GNA15: variants seen among roughly 807,000 people sequenced by gnomAD.
GNA15 encodes guanine nucleotide-binding protein subunit alpha-15.
In GNA15, 23 loss-of-function variants were observed where a neutral mutation model predicts 40.1. The ratio of observed to expected loss-of-function variants is 0.57; its 90% CI spans 0.41 to 0.81. GNA15 has a LOEUF of 0.81. GNA15 is among the 40% of genes least tolerant of loss of function. The pLI is 0.00. For missense variants in GNA15, 522 were observed against 515.8 expected, an observed-to-expected ratio of 1.01 and a Z score of -0.12; for synonymous variants, 226 against 210.4, an observed-to-expected ratio of 1.07 and a Z score of -0.64.
rs1914466782 is a variant in GNA15, at chr19:3,136,696, G to A, written c.145+101G>A. 9.7e-7 allele frequency: 1 copy of A among 1,031,746 alleles called. No homozygotes were observed. The highest frequency in any genetic ancestry group is 1.6e-5 in the South Asian group (1 of 63,030). The allele number at this position is 1,031,746 out of a possible 1,614,324, so 63.9% of individuals were successfully genotyped here. A position where few individuals can be genotyped will look rare whatever the true frequency, so the allele number is the denominator to read the frequency against. On this transcript the variant is annotated intron_variant, in intron 1 of 6. Coordinates refer to ENST00000262958, the MANE Select transcript of GNA15 (RefSeq NM_002068.4). This position sits in a 1 kb window ranked among gnomAD's most constrained non-coding sequence, Gnocchi z 4.9. ...GGCGGATCAGGCTAGGTCAGACATT[G>A]GCATCGTGGAGCCGTCGCCTCCTCC...
chr19:3,161,054 C>T (rs1229561700), intron 6 of GNA15, among the ~76,000 whole-genome samples: 1 of 151,550 alleles, frequency 6.6e-6, no homozygotes, highest in East Asian at 1.9e-4. Flanking sequence ...GTGATCCTCC[C>T]ACCTCAGCCT....
At chr19:3,138,323 G>C (rs1352039702) in intron 1 of GNA15, among the ~76,000 whole-genome samples, 1 of 151,246 alleles carries the variant, frequency 6.6e-6, no homozygotes, top group Admixed American at 6.6e-5. Flanking sequence ...CCCGTAGCTT[G>C]TTTCCCCAAT....
Position 3,163,049 on chromosome 19 carries a change from G to T in GNA15, c.*30G>T, listed in dbSNP as rs759209490. 4 of 1,495,262 alleles carry T rather than the reference G, an allele frequency of 2.7e-6. No homozygotes were observed. In the East Asian group the frequency reaches 6.8e-5, roughly 25 times the overall value. 92.6% of individuals were successfully genotyped at this position (1,495,262 alleles called of 1,614,324 possible). ...GGCCCCACCTGGGGCAGGCGGCACC[G>T]GCGGGCGGGTGGGAGGTGGGAGTGG... On this transcript the variant is annotated 3_prime_UTR_variant, in exon 7 of 7. Transcript: ENST00000262958.
At chr19:3,156,453 C>T (rs1021676468) in intron 5 of GNA15, among the ~76,000 whole-genome samples, 1 of 148,632 alleles carries the variant, frequency 6.7e-6, no homozygotes, top group Non-Finnish European at 1.5e-5. Context: ...TACACACATG[C>T]ACACGCACAC....
intron 4 of GNA15, among the ~76,000 whole-genome samples, chr19:3,154,701 G>A (rs1424070129): frequency 1.3e-5 from 2 of 150,878 alleles, no homozygotes; most frequent in Admixed American, 1.3e-4. Flanking sequence ...ATAGATGGAT[G>A]GATGAGTGAA....
intron 1 of GNA15, among the ~76,000 whole-genome samples, chr19:3,146,755 C>A (rs919279618): frequency 1.3e-5 from 2 of 152,140 alleles, no homozygotes; most frequent in African/African-American, 4.8e-5. Context: ...CCTGTCCTCC[C>A]TGCAGCAGCC....
chr19:3,142,812 C>T (rs986196604), intron 1 of GNA15, among the ~76,000 whole-genome samples: 3 of 151,972 alleles, frequency 2.0e-5, no homozygotes, highest in African/African-American at 4.8e-5. Context: ...GAGGAGGTTG[C>T]GGTGTGCTGA....
chr19:3,144,501 A>AGTTT (rs1184466239), intron 1 of GNA15, among the ~76,000 whole-genome samples: 1 of 151,876 alleles, frequency 6.6e-6, no homozygotes, highest in East Asian at 1.9e-4. Context: ...TCGTTTGAGT[A>AGTTT]GTTTGTTTGT....
chr19:3,137,533 C>A (rs914178903), intron 1 of GNA15, among the ~76,000 whole-genome samples: 1 of 152,154 alleles, frequency 6.6e-6, no homozygotes, highest in African/African-American at 2.4e-5. Context: ...CCTGTAATCC[C>A]AGCACTTTGG....
intron 1 of GNA15, chr19:3,142,485 C>T (rs1914599289): frequency 6.6e-6 from 1 of 151,750 alleles, no homozygotes; most frequent in Non-Finnish European, 1.5e-5. Context: ...ATAAAGCCAA[C>T]TGTTGCTTGC....
chr19:3,148,767 G>T lies in GNA15; in HGVS notation c.322G>T (p.Glu108Ter). The change falls in exon 2 of 7, where the codon GAG becomes TAG. Residue 108 changes from glutamate (E) to a stop codon, truncating the protein, a stop_gained. Coordinates refer to ENST00000262958, the MANE Select transcript of GNA15 (RefSeq NM_002068.4). LOFTEE classifies it high-confidence loss of function. ...ERLQIPFSRP[E>*]SKHHASLVMS... Reference sequence around the variant, plus strand: ...GCTGCAGATTCCATTCAGCAGGCCCGAGAGCAAGGTGAGCCGCCAGGGCAG... The same window carrying T: ...GCTGCAGATTCCATTCAGCAGGCCCTAGAGCAAGGTGAGCCGCCAGGGCAG... The T allele has an allele frequency of 6.3e-7, 1 of 1,595,704 alleles. No individual in the cohort carries two copies. The highest frequency in any genetic ancestry group is 1.7e-5 in the Admixed American group (1 of 57,698).
At chr19:3,144,522 AT>A (rs1408788140) in intron 1 of GNA15, among the ~76,000 whole-genome samples, 1 of 151,470 alleles carries the variant, frequency 6.6e-6, no homozygotes. Context: ...TTATTTATTT[AT>A]TTATATTTTA....
chr19:3,160,177 TG>T (rs760245341), intron 6 of GNA15, among the ~76,000 whole-genome samples: 5 of 152,200 alleles, frequency 3.3e-5, no homozygotes, highest in Non-Finnish European at 5.9e-5. Context: ...TCTATGGGAT[TG>T]GAGATAAACT....
chr19:3,159,820 ACT>A (rs1467716790), intron 6 of GNA15, among the ~76,000 whole-genome samples: 1 of 152,226 alleles, frequency 6.6e-6, no homozygotes, highest in Non-Finnish European at 1.5e-5. Context: ...TTGGGAACAA[ACT>A]CTCAGTCCAT....
At chr19:3,150,552 T>G (rs553317895) in intron 3 of GNA15, among the ~76,000 whole-genome samples, 23 of 151,876 alleles carry the variant, frequency 1.5e-4, no homozygotes, top group African/African-American at 5.6e-4. Flanking sequence ...GCGGTGATCT[T>G]GTTCTTGGAA....
chr19:3,145,163 A>AT lies in GNA15; in HGVS notation c.146-3420dup, dbSNP rs531492595. ...CCACTGCGCCCAGCCCTAGTTTTTA[A>AT]TTTTTTTTGGAAACTTTTTTTTTTG... On this transcript the variant is annotated intron_variant, in intron 1 of 6. Transcript: ENST00000262958. Among the ~76,000 whole-genome samples, 835 of 137,140 alleles carry AT rather than the reference A, an allele frequency of 6.1e-3. 10 individuals are homozygous for AT. The highest frequency in any genetic ancestry group is 0.022 in the African/African-American group (793 of 35,970). 90.0% of individuals were successfully genotyped at this position (137,140 alleles called of 152,430 possible). A position where few individuals can be genotyped will look rare whatever the true frequency, so the allele number is the denominator to read the frequency against.
chr19:3,144,235 C>T (rs1914645978), intron 1 of GNA15, among the ~76,000 whole-genome samples: 1 of 152,024 alleles, frequency 6.6e-6, no homozygotes, highest in Admixed American at 6.6e-5. Context: ...CCAGCAAGCT[C>T]ACAATTCCCT....
chr19:3,162,022 G>A (rs1216981199), intron 6 of GNA15, among the ~76,000 whole-genome samples: 2 of 150,630 alleles, frequency 1.3e-5, no homozygotes, highest in African/African-American at 4.9e-5. Context: ...GACAGAGTGA[G>A]ACTCTGTCTC....
chr19:3,148,575 G>A lies in GNA15; in HGVS notation c.146-16G>A, dbSNP rs1461847604. 2 of 1,554,986 alleles carry A rather than the reference G, an allele frequency of 1.3e-6. No individual in the cohort carries two copies. Among genetic ancestry groups the A allele is most frequent in the Admixed American group, 3.8e-5 (2 of 52,730 alleles). On this transcript the variant is annotated splice_polypyrimidine_tract_variant and intron_variant, in intron 1 of 6. Transcript: ENST00000262958. The stretch of plus-strand genomic sequence containing the variant: ...GTCCCGTGGAGGGCTGAGCGGTTCT[G>A]CTGCTCCATCCCCAGGCCCAGGCGA...
Sources: gnomAD v4.1 joint callset for allele counts (sites outside exome capture counted in the v4.1 genomes callset) on GRCh38, gnomAD v4.1.1 for gene constraint, Gnocchi (gnomAD v3.1) non-coding constraint, MANE v1.5 for transcripts, NCBI Gene and HGNC (gene_info 2026-07-23, HGNC 2026-07-21) for gene names.